The following PCDHA3 variants were observed in gnomAD, a reference collection of about 807,000 sequenced individuals.
PCDHA3 encodes protocadherin alpha 3.
PCDHA3 carries 41 observed loss-of-function variants against 62.2 expected under a neutral mutation model. The observed-to-expected ratio is 0.66, with a 90% CI of 0.51 to 0.86. PCDHA3 has a LOEUF of 0.86. Ranked by LOEUF, PCDHA3 falls within the 40% of genes least tolerant of loss-of-function variation. PCDHA3 has a pLI of 0.00. For missense variants in PCDHA3, 1,304 were observed against 1,241.2 expected (o/e 1.05, Z -0.76); for synonymous variants, 640 against 555.4 (o/e 1.15, Z -2.14).
At chr5:140,834,435 A>T (rs2150217910) in intron 1 of PCDHA3, 2 of 1,607,790 alleles carry the variant, frequency 1.2e-6, no homozygotes, top group East Asian at 2.2e-5. Context: ...ACTGCTGTTT[A>T]TTATAATTCT....
At chr5:140,937,954 G>A (rs1209058625) in intron 1 of PCDHA3, among the ~76,000 whole-genome samples, 2 of 151,226 alleles carry the variant, frequency 1.3e-5, no homozygotes, top group Non-Finnish European at 2.9e-5. Context: ...GGCTTTTGTT[G>A]AAAGTATATA....
intron 1 of PCDHA3, chr5:140,823,708 C>T (rs1430700090): frequency 1.5e-5 from 25 of 1,613,828 alleles, no homozygotes; most frequent in Non-Finnish European, 2.0e-5. Flanking sequence ...ACCGCGCCAC[C>T]GCCTTCTGGT....
At chr5:140,829,999 C>A in intron 1 of PCDHA3, 2 of 1,613,998 alleles carry the variant, frequency 1.2e-6, no homozygotes. Flanking sequence ...CCACTCGTGT[C>A]CTGGACGAAG....
At chr5:140,909,235 A>G (rs1554193708) in intron 1 of PCDHA3, among the ~76,000 whole-genome samples, 1 of 152,182 alleles carries the variant, frequency 6.6e-6, no homozygotes, top group African/African-American at 2.4e-5. Flanking sequence ...TAGGATGGTA[A>G]AGATATATTG....
chr5:140,928,084 C>T (rs782346696), intron 1 of PCDHA3: 2 of 1,614,232 alleles, frequency 1.2e-6, no homozygotes, highest in Non-Finnish European at 1.7e-6. Context: ...CTACAGCCTG[C>T]TGATTGATGG....
At position 140,982,581 on chromosome 5, in the gene PCDHA3, C is replaced by G. The variant is rs782060139; in HGVS notation, c.2542+18C>G. 6.2e-7 allele frequency: 1 copy of G among 1,612,214 alleles called. No homozygotes were observed. The highest frequency in any genetic ancestry group is 1.1e-5 in the South Asian group (1 of 90,796). The stretch of plus-strand genomic sequence containing the variant: ...AACACCAGGTAAAGAGCTGGGGTCT[C>G]TCCATTCTTTCTTGGTTTCTGGAAA... On this transcript the variant is annotated intron_variant, in intron 3 of 3. Transcript: ENST00000522353.
chr5:140,848,317 A>T, intron 1 of PCDHA3: 1 of 749,894 alleles, frequency 1.3e-6, no homozygotes. Context: ...CTTTGCCGCG[A>T]TGTTCTCTCT....
At chr5:140,884,607 T>C (rs1554181780) in intron 1 of PCDHA3, 1 of 1,614,044 alleles carries the variant, frequency 6.2e-7, no homozygotes, top group Non-Finnish European at 8.5e-7. Flanking sequence ...CCTCCTTGTC[T>C]GGGTTCTGCA....
chr5:141,007,935 C>G (rs2098352677), intron 3 of PCDHA3, among the ~76,000 whole-genome samples: 1 of 152,176 alleles, frequency 6.6e-6, no homozygotes, highest in African/African-American at 2.4e-5. Flanking sequence ...GAATTCTAAG[C>G]CACCTTTTTG....
intron 1 of PCDHA3, chr5:140,967,806 G>A (rs1406839046): frequency 8.1e-6 from 13 of 1,614,180 alleles, no homozygotes; most frequent in Non-Finnish European, 1.1e-5. Flanking sequence ...CCCATGGCAG[G>A]TCACTGCAAG....
rs369536692 is a variant in PCDHA3 at position 140,876,705 on chromosome 5, C to T, written c.2394+73114C>T. The T allele has an allele frequency of 2.0e-5, 33 of 1,614,240 alleles. No individual in the cohort carries two copies. In the African/African-American group the frequency reaches 3.3e-4, roughly 16 times the overall value. ...ATTACTACTCGTTGGTGCTGGACAG[C>T]GCCCTGGACCGCGAGAGCGTGTCGG... On this transcript the variant is annotated intron_variant, in intron 1 of 3. Transcript: ENST00000522353.
intron 1 of PCDHA3, chr5:140,966,759 C>G: frequency 6.9e-7 from 1 of 1,447,012 alleles, no homozygotes; most frequent in Non-Finnish European, 9.1e-7. Context: ...CCGCCGCGGC[C>G]AGTGGCTATG....
intron 1 of PCDHA3, chr5:140,864,139 T>C (rs2048337993): frequency 6.6e-6 from 1 of 152,226 alleles, no homozygotes; most frequent in South Asian, 2.1e-4. Context: ...GGCTGTTTCC[T>C]GTAAATGAGA....
intron 1 of PCDHA3, chr5:140,966,397 G>C (rs782390663): frequency 4.5e-5 from 18 of 404,120 alleles, no homozygotes; most frequent in Admixed American, 2.2e-4. Flanking sequence ...CCGCCACTTC[G>C]GCGCGGAATC....
At chr5:140,978,301 C>T (rs1554239160) in intron 1 of PCDHA3, among the ~76,000 whole-genome samples, 1 of 152,168 alleles carries the variant, frequency 6.6e-6, no homozygotes, top group Admixed American at 6.5e-5. Flanking sequence ...GGAAAGCACT[C>T]AGGAAGGAGC....
intron 1 of PCDHA3, chr5:140,850,651 C>T (rs2150492277): frequency 1.9e-6 from 3 of 1,598,626 alleles, no homozygotes; most frequent in Admixed American, 1.7e-5. Flanking sequence ...CTGCTGTACA[C>T]TGTGCTGCGG....
intron 1 of PCDHA3, among the ~76,000 whole-genome samples, chr5:140,818,263 T>C (rs1353101049): frequency 2.0e-5 from 3 of 152,220 alleles, no homozygotes; most frequent in Non-Finnish European, 4.4e-5. Context: ...TAAATCACTT[T>C]TTCTCTTTGT....
intron 1 of PCDHA3, among the ~76,000 whole-genome samples, chr5:140,921,264 T>C (rs2080129104): frequency 6.6e-6 from 1 of 152,210 alleles, no homozygotes; most frequent in Non-Finnish European, 1.5e-5. Flanking sequence ...CCTAGACTTT[T>C]ATACTTACTT....
chr5:140,954,120 C>G (rs246026), intron 1 of PCDHA3, among the ~76,000 whole-genome samples: 85,718 of 152,076 alleles, frequency 0.56, 24,786 homozygotes, highest in African/African-American at 0.69. Flanking sequence ...GATCTTGTTC[C>G]TTTTTATGGA....
Sources: gnomAD v4.1 joint callset for allele counts (sites outside exome capture counted in the v4.1 genomes callset) on GRCh38, gnomAD v4.1.1 for gene constraint, MANE v1.5 for transcripts, NCBI Gene and HGNC (gene_info 2026-07-23, HGNC 2026-07-21) for gene names.